G2E3: variants seen among roughly 807,000 people sequenced by gnomAD.
G2E3 encodes G2/M-phase specific E3 ubiquitin protein ligase, also known as G2/M phase-specific E3 ubiquitin-protein ligase.
In G2E3, 35 loss-of-function variants were observed where a neutral mutation model predicts 92.8. The ratio of observed to expected loss-of-function variants is 0.38; its 90% CI spans 0.29 to 0.50. G2E3 has a LOEUF of 0.50. Among genes scored for constraint, G2E3 ranks in the 20% least tolerant of loss-of-function variants. The pLI, the probability that G2E3 is intolerant of heterozygous loss-of-function variation, is 0.94. For missense variants in G2E3, 554 were observed against 823.8 expected, an observed-to-expected ratio of 0.67 and a Z score of 4.01; for synonymous variants, 242 against 272.4, an observed-to-expected ratio of 0.89 and a Z score of 1.10.
chr14:30,604,648 G>A (rs1594505695), intron 10 of G2E3, among the ~76,000 whole-genome samples: 1 of 152,100 alleles, frequency 6.6e-6, no homozygotes, highest in Non-Finnish European at 1.5e-5. Flanking sequence ...AGACTAAAAG[G>A]TACTATTTTA....
At chr14:30,568,700 A>C (rs1330747818) in intron 1 of G2E3, among the ~76,000 whole-genome samples, 1 of 152,106 alleles carries the variant, frequency 6.6e-6, no homozygotes, top group Non-Finnish European at 1.5e-5. Flanking sequence ...CTTCTTCCTA[A>C]ATGTTATTGT....
intron 1 of G2E3, among the ~76,000 whole-genome samples, chr14:30,563,649 T>C (rs1224387929): frequency 6.6e-6 from 1 of 152,014 alleles, no homozygotes; most frequent in Non-Finnish European, 1.5e-5. Flanking sequence ...TCCTGGGGAC[T>C]AGTTATATAT....
At chr14:30,614,160 T>G (rs1882212170) in intron 13 of G2E3, among the ~76,000 whole-genome samples, 2 of 152,216 alleles carry the variant, frequency 1.3e-5, no homozygotes, top group Admixed American at 1.3e-4. Context: ...CATTCAACCC[T>G]TTATGAAGTA....
chr14:30,561,848 C>CTT (rs61225908), intron 1 of G2E3, among the ~76,000 whole-genome samples: 1,579 of 135,454 alleles, frequency 0.012, 24 homozygotes, highest in African/African-American at 0.039. Flanking sequence ...AAAGTTGTTG[C>CTT]TTTTTTTTTT....
intron 12 of G2E3, among the ~76,000 whole-genome samples, chr14:30,610,057 G>A (rs1420585135): frequency 1.3e-5 from 2 of 152,132 alleles, no homozygotes; most frequent in African/African-American, 4.8e-5. Context: ...CTCATTGCCT[G>A]TTGAACGAAG....
chr14:30,610,331 T>C (rs1297395859), intron 12 of G2E3, among the ~76,000 whole-genome samples: 2 of 152,116 alleles, frequency 1.3e-5, no homozygotes, highest in Admixed American at 6.5e-5. Context: ...TAAAACAGAA[T>C]ATGGCCGGGC....
At chr14:30,595,016 T>C (rs1367799877) in intron 6 of G2E3, among the ~76,000 whole-genome samples, 1 of 151,058 alleles carries the variant, frequency 6.6e-6, no homozygotes, top group African/African-American at 2.4e-5. Context: ...TGCACACCTG[T>C]GATCCCAGCT....
rs563165034 is a variant in G2E3, at chr14:30,559,292, G to A, written c.-5+20G>A. ...TCCTTGGTGAGTAAATGGGGAACGG[G>A]AAGACGCAGAACGTTCCAGAGAGAG... On this transcript the variant is annotated intron_variant, in intron 1 of 14. Transcript: ENST00000206595. 1 of 152,458 alleles carries A rather than the reference G, an allele frequency of 6.6e-6. No homozygotes were observed. Among genetic ancestry groups the A allele is most frequent in the African/African-American group, 2.4e-5 (1 of 41,602 alleles). 9.4% of individuals were successfully genotyped at this position (152,458 alleles called of 1,614,324 possible). A position where few individuals can be genotyped will look rare whatever the true frequency, so the allele number is the denominator to read the frequency against.
intron 1 of G2E3, among the ~76,000 whole-genome samples, chr14:30,571,653 A>G (rs182912336): frequency 1.2e-3 from 183 of 152,164 alleles, no homozygotes; most frequent in African/African-American, 3.9e-3. Context: ...AGTTATTTCA[A>G]TACTATTTAT....
chr14:30,597,613 C>G, intron 7 of G2E3, 87 bp downstream of exon 7: 1 of 787,286 alleles, frequency 1.3e-6, no homozygotes, highest in South Asian at 1.5e-5. Context: ...ATGTCTGATT[C>G]AGTGAGCATG....
intron 1 of G2E3, among the ~76,000 whole-genome samples, chr14:30,568,385 G>A (rs1038651955): frequency 6.6e-6 from 1 of 151,996 alleles, no homozygotes; most frequent in African/African-American, 2.4e-5. Flanking sequence ...CTTTTAATTG[G>A]AGCGTGTAAT....
At chr14:30,590,023 C>CT (rs778915043) in intron 4 of G2E3, among the ~76,000 whole-genome samples, 5 of 152,062 alleles carry the variant, frequency 3.3e-5, no homozygotes, top group Non-Finnish European at 5.9e-5. Flanking sequence ...GCATTCTAAA[C>CT]TTTAACTCCT....
At chr14:30,572,871 A>G (rs1369027337) in intron 1 of G2E3, among the ~76,000 whole-genome samples, 1 of 152,206 alleles carries the variant, frequency 6.6e-6, no homozygotes, top group Non-Finnish European at 1.5e-5. Flanking sequence ...GGTCTCAGGA[A>G]AAAACATATA....
At chr14:30,600,442 G>C (rs1029680857) in intron 8 of G2E3, among the ~76,000 whole-genome samples, 1 of 152,152 alleles carries the variant, frequency 6.6e-6, no homozygotes, top group African/African-American at 2.4e-5. Flanking sequence ...ACTTGATCTA[G>C]TGACCCTGAT....
At chr14:30,587,107 G>A (rs1013018768) in intron 3 of G2E3, among the ~76,000 whole-genome samples, 6 of 152,066 alleles carry the variant, frequency 3.9e-5, no homozygotes, top group Non-Finnish European at 4.4e-5. Flanking sequence ...TATAAAGGAG[G>A]TATTTCTTTT....
intron 1 of G2E3, chr14:30,559,757 G>A (rs1878978685): frequency 6.6e-6 from 1 of 152,124 alleles, no homozygotes; most frequent in Non-Finnish European, 1.5e-5. Context: ...AGAGATACCC[G>A]GGCAACCTTG....
At chr14:30,570,242 C>G (rs1347190843) in intron 1 of G2E3, among the ~76,000 whole-genome samples, 1 of 152,114 alleles carries the variant, frequency 6.6e-6, no homozygotes, top group African/African-American at 2.4e-5. Context: ...TTGCTGCTTT[C>G]AAGATTCTTT....
chr14:30,586,306 G>A (rs553407920), intron 2 of G2E3, among the ~76,000 whole-genome samples: 4 of 152,196 alleles, frequency 2.6e-5, no homozygotes, highest in African/African-American at 9.6e-5. Context: ...ATGGTAGGTG[G>A]GTAAGTTAAG....
intron 4 of G2E3, 147 bp from the exon 5 acceptor site, chr14:30,592,176 G>A: frequency 2.3e-5 from 15 of 662,724 alleles, no homozygotes; most frequent in Non-Finnish European, 2.5e-6. Flanking sequence ...AGTTTTTCAG[G>A]AAATTTATTT....
Sources: gnomAD v4.1 joint callset for allele counts (sites outside exome capture counted in the v4.1 genomes callset) on GRCh38, gnomAD v4.1.1 for gene constraint, MANE v1.5 for transcripts, NCBI Gene and HGNC (gene_info 2026-07-23, HGNC 2026-07-21) for gene names.